UBR4: variants seen among roughly 807,000 people sequenced by gnomAD.
The protein encoded by UBR4 is ubiquitin protein ligase E3 component n-recognin 4.
A neutral mutation model predicts 575.6 loss-of-function variants in UBR4; 124 were observed. The ratio of observed to expected loss-of-function variants is 0.22; its 90% CI spans 0.19 to 0.25. The LOEUF (loss-of-function observed/expected upper bound fraction) is 0.25, where lower values mean the gene tolerates loss of function less well. Ranked by LOEUF, UBR4 falls within the 10% of genes least tolerant of loss-of-function variation. The pLI is 1.00. For synonymous variants in UBR4, 2,455 were observed against 2,473.7 expected, an observed-to-expected ratio of 0.99 and a Z score of 0.22; for missense variants, 4,818 against 6,478.8, an observed-to-expected ratio of 0.74 and a Z score of 8.80.
At chr1:19,091,976 G>GA (rs1186098965) in intron 97 of UBR4, among the ~76,000 whole-genome samples, 74 of 139,226 alleles carry the variant, frequency 5.3e-4, no homozygotes, top group Middle Eastern at 7.4e-3. Context: ...ATCATGCTGA[G>GA]AAAAAAAAAA....
chr1:19,164,716 G>T (rs2088009447), intron 32 of UBR4, 83 bp downstream of exon 32: 2 of 1,511,442 alleles, frequency 1.3e-6, no homozygotes, highest in African/African-American at 1.4e-5. Context: ...TGCTAAGACT[G>T]GTGCCCGAAG....
At chr1:19,113,462 C>T in intron 77 of UBR4, 2 of 583,194 alleles carry the variant, frequency 3.4e-6, no homozygotes, top group East Asian at 3.0e-5. Flanking sequence ...TCTGTGTTAC[C>T]TTCCCATCAC....
At chr1:19,197,647 A>C in intron 7 of UBR4, 23 bp downstream of exon 7, 1 of 1,612,998 alleles carries the variant, frequency 6.2e-7, no homozygotes, top group Non-Finnish European at 8.5e-7. Context: ...AAAGTAAAGC[A>C]TGTGCACTGT....
rs760192162 is a variant in UBR4 at position 19,199,747 on chromosome 1, CCG to C, written c.280_281del (p.Arg94GlufsTer11). 6.2e-7 allele frequency: 1 copy of C among 1,614,068 alleles called. No homozygotes were observed. The highest frequency in any genetic ancestry group is 8.5e-7 in the Non-Finnish European group (1 of 1,179,968). On this transcript the variant is annotated frameshift_variant, in exon 3 of 106. Transcript: ENST00000375254. LOFTEE classifies it high-confidence loss of function. ...CTGCTGCCACTGACTGAAGTTGGTT[CCG>C]GGGAACTGAGAAAGTAATAAACATT... is the stretch of plus-strand genomic sequence containing the variant. Reference protein sequence around the residue: ...YITTVCSLIPRNQLQSVAAAC... With the variant: ...YITTVCSLIPXNQLQSVAAAC...
chr1:19,196,270 G>A (rs1002179845), intron 8 of UBR4, among the ~76,000 whole-genome samples: 6 of 152,142 alleles, frequency 3.9e-5, no homozygotes, highest in Non-Finnish European at 8.8e-5. Flanking sequence ...AGGTCTCTGA[G>A]AGCACAAATG....
chr1:19,147,366 G>T (rs1298667724), intron 51 of UBR4, among the ~76,000 whole-genome samples: 5 of 152,142 alleles, frequency 3.3e-5, no homozygotes, highest in Non-Finnish European at 7.4e-5. Context: ...TTGAGAGACA[G>T]CAGGTTAAAC....
At position 19,117,811 on chromosome 1, in the gene UBR4, G is replaced by T; in HGVS notation, c.10629+12C>A. 1 of 1,613,388 alleles carries T rather than the reference G, an allele frequency of 6.2e-7. No homozygotes were observed. The highest frequency in any genetic ancestry group is 8.5e-7 in the Non-Finnish European group (1 of 1,179,318). ...TTGGCCTCAGGACTGTCCATGTACA[G>T]ATGTTACTTACACAGAACGGTACTT... On this transcript the variant is annotated intron_variant, in intron 72 of 105. Transcript: ENST00000375254. This position sits in a 1 kb window ranked among gnomAD's most constrained non-coding sequence, Gnocchi z 4.0.
At chr1:19,141,198 C>A (rs995169802) in intron 57 of UBR4, 149 bp downstream of exon 57, 8 of 1,093,768 alleles carry the variant, frequency 7.3e-6, no homozygotes, top group Admixed American at 2.5e-5. Flanking sequence ...CCCTCTCACT[C>A]TCCACCTGTA....
At chr1:19,205,806 G>T (rs1034832977) in intron 1 of UBR4, among the ~76,000 whole-genome samples, 18 of 152,308 alleles carry the variant, frequency 1.2e-4, no homozygotes, top group African/African-American at 4.3e-4. Flanking sequence ...TCCAAAGTAG[G>T]TGTCTTTGCC....
chr1:19,166,630 C>T (rs996272692), intron 29 of UBR4, among the ~76,000 whole-genome samples: 161 of 146,450 alleles, frequency 1.1e-3, no homozygotes, highest in African/African-American at 3.9e-3. Context: ...GTAATCCCAG[C>T]ATTTTGGGAG....
intron 67 of UBR4, 79 bp downstream of exon 67, chr1:19,121,855 T>G (rs887159694): frequency 1.3e-6 from 2 of 1,482,660 alleles, no homozygotes. Flanking sequence ...AGCATCCAGT[T>G]CAGTGCTTGG....
In UBR4 at chr1:19,115,858, T is replaced by C. The variant is rs540451209; in HGVS notation, c.10824-221A>G. Among the ~76,000 whole-genome samples, 5 of 152,358 alleles carry C rather than the reference T, an allele frequency of 3.3e-5. No individual in the cohort carries two copies. The East Asian group carries it at 9.6e-4, about 29-fold the overall frequency. ...AAGAACATACAAGTGCTTTAAGCTGTTATACATGATACCTTTTGAAATTCC... is the reference window on the plus strand; with the variant it reads ...AAGAACATACAAGTGCTTTAAGCTGCTATACATGATACCTTTTGAAATTCC... On this transcript the variant is annotated intron_variant, in intron 73 of 105. Coordinates refer to ENST00000375254, the MANE Select transcript of UBR4 (RefSeq NM_020765.3).
At chr1:19,084,736 G>A in intron 101 of UBR4, 38 bp from the exon 102 acceptor site, 3 of 1,563,934 alleles carry the variant, frequency 1.9e-6, no homozygotes, top group South Asian at 1.2e-5. Context: ...ATGGAAGTGA[G>A]TTCCTGGTGA....
At chr1:19,135,012 C>T (rs988331650) in intron 60 of UBR4, among the ~76,000 whole-genome samples, 9 of 152,010 alleles carry the variant, frequency 5.9e-5, no homozygotes, top group African/African-American at 2.2e-4. Context: ...CTTTGCCAAA[C>T]CCAAGTTATG....
chr1:19,160,120 G>A lies in UBR4; in HGVS notation c.5568C>T (p.Asp1856=), dbSNP rs974347529. Residue 1856 remains aspartate (D), a synonymous_variant, in exon 39 of 106, where the codon GAC becomes GAT. Transcript: ENST00000375254. Reference sequence around the variant, plus strand: ...GCCCCAAGACACTCACCATCAGCTGGTCTGTCATCTCCACTGCCTTCTCCA... The same window carrying A: ...GCCCCAAGACACTCACCATCAGCTGATCTGTCATCTCCACTGCCTTCTCCA... The part of the protein sequence containing the change: ...HTVEKAVEMT[D]QLMVPTLGSQ... 6 of 1,609,466 alleles carry A rather than the reference G, an allele frequency of 3.7e-6. No homozygotes were observed. The African/African-American group carries it at 4.0e-5, about 11-fold the overall frequency.
intron 64 of UBR4, 60 bp from the exon 65 acceptor site, chr1:19,124,750 G>A (rs540282967): frequency 2.5e-6 from 4 of 1,581,730 alleles, no homozygotes; most frequent in East Asian, 4.5e-5. Flanking sequence ...ACCACAATTA[G>A]GAAAAAGCCT....
At position 19,187,886 on chromosome 1, in the gene UBR4, G is replaced by A. The variant is rs189027645; in HGVS notation, c.1395-346C>T. Among the ~76,000 whole-genome samples, 600 of 152,140 alleles carry A rather than the reference G, an allele frequency of 3.9e-3. 3 individuals are homozygous for A. Among genetic ancestry groups the A allele is most frequent in the African/African-American group, 0.013 (532 of 41,512 alleles). On this transcript the variant is annotated intron_variant, in intron 11 of 105. Transcript: ENST00000375254. ...TTAGACCAGCTTGGCAACCTAGAGA[G>A]GGAGACCCTGTCTCTACAAAAAAAT...
At position 19,173,004 on chromosome 1, in the gene UBR4, C is replaced by T. The variant is rs374365470; in HGVS notation, c.3381G>A (p.Ala1127=). Residue 1127 remains alanine, a synonymous_variant, in exon 25 of 106, where the codon GCG becomes GCA. Transcript: ENST00000375254. ...SLQSIYTLDA[A]ISKVQVSLDE... is the part of the protein sequence containing the mutation. ...CCAAAGAGACCTGGACCTTTGAGAT[C>T]GCGGCATCAAGGGTGTAGATGGACT... is the stretch of plus-strand genomic sequence containing the variant. 1.9e-5 allele frequency: 30 copies of T among 1,614,148 alleles called. No homozygotes were observed. Among genetic ancestry groups the T allele is most frequent in the Admixed American group, 1.3e-4 (8 of 60,024 alleles).
At chr1:19,085,034 T>C (rs2076874918) in intron 101 of UBR4, among the ~76,000 whole-genome samples, 1 of 152,326 alleles carries the variant, frequency 6.6e-6, no homozygotes, top group Non-Finnish European at 1.5e-5. Flanking sequence ...GTAGAACTCA[T>C]CCATTCTGAC....
Sources: gnomAD v4.1 joint callset for allele counts (sites outside exome capture counted in the v4.1 genomes callset) on GRCh38, gnomAD v4.1.1 for gene constraint, Gnocchi (gnomAD v3.1) non-coding constraint, MANE v1.5 for transcripts, NCBI Gene and HGNC (gene_info 2026-07-23, HGNC 2026-07-21) for gene names.